MPPED1: variants seen among roughly 807,000 people sequenced by gnomAD.
MPPED1 encodes the protein metallophosphoesterase domain-containing protein 1.
MPPED1 carries 16 observed loss-of-function variants against 36.2 expected under a neutral mutation model. That is an observed-to-expected ratio of 0.44 (90% CI 0.30 to 0.67). MPPED1 has a LOEUF of 0.67. Among genes scored for constraint, MPPED1 ranks in the 30% least tolerant of loss-of-function variants. The pLI is 0.10. For synonymous variants in MPPED1, 199 were observed against 191.3 expected (o/e 1.04, Z -0.33); for missense variants, 307 against 453.4 (o/e 0.68, Z 2.93).
At chr22:43,456,598 G>T (rs1361978776) in intron 3 of MPPED1, among the ~76,000 whole-genome samples, 1 of 152,170 alleles carries the variant, frequency 6.6e-6, no homozygotes, top group Non-Finnish European at 1.5e-5. Context: ...AGGTTCAAGC[G>T]ATTCCTGTGA....
chr22:43,445,145 C>T (rs1253588174), intron 3 of MPPED1, among the ~76,000 whole-genome samples: 4 of 152,212 alleles, frequency 2.6e-5, no homozygotes, highest in African/African-American at 9.7e-5. Context: ...ACATCCATCT[C>T]ATTCCACTGG....
rs575833793 is a variant in MPPED1 at position 43,453,515 on chromosome 22, G to A, written c.406+18300G>A. ...TATAGCCTTCCAGTCCTGCGGCTTC[G>A]TTGTGGGATTTTCTGATGATGATGG... On this transcript the variant is annotated intron_variant, in intron 3 of 6. Transcript: ENST00000443721. 5.4e-4 allele frequency among the ~76,000 whole-genome samples: 82 copies of A among 152,212 alleles called. 1 individual carries two copies. The South Asian group carries it at 0.017, about 31-fold the overall frequency.
intron 3 of MPPED1, among the ~76,000 whole-genome samples, chr22:43,469,904 G>A (rs1042681898): frequency 7.9e-5 from 12 of 151,580 alleles, no homozygotes; most frequent in African/African-American, 2.9e-4. Context: ...CCATCTATCC[G>A]TCCATCCATC....
rs1400691108 is a variant in MPPED1, at chr22:43,506,413, A to T, written c.*797A>T. 6.6e-6 allele frequency: 1 copy of T among 152,294 alleles called. No individual in the cohort carries two copies. The highest frequency in any genetic ancestry group is 1.5e-5 in the Non-Finnish European group (1 of 68,088). The allele number at this position is 152,294 out of a possible 1,614,324, so 9.4% of individuals were successfully genotyped here. ...TGCTCTGTAGAATGCGGTAGCCTGG[A>T]TGGAGGGTCTGCAGGCTTAGGCTGC... is the stretch of plus-strand genomic sequence containing the variant. On this transcript the variant is annotated 3_prime_UTR_variant, in exon 7 of 7. Coordinates refer to ENST00000443721, the MANE Select transcript of MPPED1 (RefSeq NM_001044370.2).
chr22:43,463,073 C>A (rs1016348432), intron 3 of MPPED1, among the ~76,000 whole-genome samples: 1 of 150,918 alleles, frequency 6.6e-6, no homozygotes, highest in African/African-American at 2.4e-5. Context: ...GGCATTTTTC[C>A]TTTTTTTTTC....
chr22:43,482,255 G>A (rs947371201), intron 4 of MPPED1, among the ~76,000 whole-genome samples: 1 of 152,172 alleles, frequency 6.6e-6, no homozygotes, highest in African/African-American at 2.4e-5. Flanking sequence ...GGCACGCAGC[G>A]AGTCCATCTG....
chr22:43,486,866 A>C (rs2146899688), intron 4 of MPPED1, among the ~76,000 whole-genome samples: 1 of 152,174 alleles, frequency 6.6e-6, no homozygotes, highest in South Asian at 2.1e-4. Flanking sequence ...TCTCCGGTGC[A>C]GGTTCATGGG....
chr22:43,468,723 C>T (rs1008278462), intron 3 of MPPED1, among the ~76,000 whole-genome samples: 13 of 152,216 alleles, frequency 8.5e-5, no homozygotes, highest in African/African-American at 2.4e-4. Flanking sequence ...GTCTGGAACA[C>T]GGGAACACTG....
chr22:43,441,954 G>A (rs913172319), intron 3 of MPPED1, among the ~76,000 whole-genome samples: 2 of 152,190 alleles, frequency 1.3e-5, no homozygotes, highest in Admixed American at 6.5e-5. Context: ...CTCTGTTCAA[G>A]GTTCCAAGTG....
intron 4 of MPPED1, among the ~76,000 whole-genome samples, chr22:43,482,163 T>C (rs4383432): frequency 1.3e-5 from 2 of 152,188 alleles, no homozygotes; most frequent in African/African-American, 4.8e-5. Flanking sequence ...TATTCATTTA[T>C]GGGTTTTGGA....
chr22:43,456,792 G>GGT (rs149822361), intron 3 of MPPED1, among the ~76,000 whole-genome samples: 10 of 152,212 alleles, frequency 6.6e-5, no homozygotes, highest in South Asian at 2.1e-4. Context: ...CACCGCACCC[G>GGT]GTGTGTGTGT....
At chr22:43,492,581 C>A (rs1376553735) in intron 4 of MPPED1, among the ~76,000 whole-genome samples, 1 of 152,150 alleles carries the variant, frequency 6.6e-6, no homozygotes, top group Non-Finnish European at 1.5e-5. Context: ...CTGTGCCCTG[C>A]CCCTCACACT....
intron 2 of MPPED1, among the ~76,000 whole-genome samples, chr22:43,429,637 A>G (rs1929604973): frequency 6.6e-6 from 1 of 152,228 alleles, no homozygotes; most frequent in Middle Eastern, 3.2e-3. Context: ...TTCTGTGCTG[A>G]CACATTCATT....
At chr22:43,417,820 A>T (rs1034926903) in intron 1 of MPPED1, 28 of 296,964 alleles carry the variant, frequency 9.4e-5, no homozygotes, top group South Asian at 8.4e-4. Context: ...CTGTCCCATC[A>T]GAGAGGCTGG....
intron 4 of MPPED1, among the ~76,000 whole-genome samples, chr22:43,479,025 C>T (rs569529990): frequency 3.9e-5 from 6 of 152,278 alleles, no homozygotes; most frequent in African/African-American, 9.6e-5. Flanking sequence ...CTGAAGAACC[C>T]GCCGGCCTGG....
intron 3 of MPPED1, among the ~76,000 whole-genome samples, chr22:43,460,227 A>G (rs1601977328): frequency 8.4e-6 from 1 of 119,002 alleles, no homozygotes; most frequent in Admixed American, 9.0e-5. Context: ...ACAAAAACAA[A>G]AACAAAAACA....
chr22:43,412,075 C>T lies in MPPED1; in HGVS notation c.-162C>T. 1.1e-5 allele frequency: 11 copies of T among 979,644 alleles called. No homozygotes were observed. The highest frequency in any genetic ancestry group is 1.3e-5 in the Non-Finnish European group (11 of 827,668). The allele number at this position is 979,644 out of a possible 1,614,324, so 60.7% of individuals were successfully genotyped here. A position where few individuals can be genotyped will look rare whatever the true frequency, so the allele number is the denominator to read the frequency against. The stretch of plus-strand genomic sequence containing the variant: ...CCGGAGGAGCCCCCGCCCCTGCGCG[C>T]CTCCCTCCCGGGAGCCCCTGCCTCC... On this transcript the variant is annotated 5_prime_UTR_variant, in exon 1 of 7. Coordinates refer to ENST00000443721, the MANE Select transcript of MPPED1 (RefSeq NM_001044370.2).
At chr22:43,498,387 T>C (rs748667675) in intron 5 of MPPED1, 37 bp downstream of exon 5, 5 of 1,487,420 alleles carry the variant, frequency 3.4e-6, no homozygotes, top group Non-Finnish European at 4.5e-6. Flanking sequence ...AGCTCGCCCA[T>C]CTGGGCTGGT....
At chr22:43,472,705 G>A (rs571991615) in intron 3 of MPPED1, among the ~76,000 whole-genome samples, 4 of 152,180 alleles carry the variant, frequency 2.6e-5, no homozygotes, top group East Asian at 1.9e-4. Flanking sequence ...CTTCTGTCTC[G>A]CCTTGGGGTT....
Sources: allele counts gnomAD v4.1 joint callset (sites outside exome capture counted in the v4.1 genomes callset), GRCh38; gene constraint gnomAD v4.1.1; transcripts MANE v1.5; gene names NCBI Gene and HGNC (gene_info 2026-07-23, HGNC 2026-07-21).